The following NXPH1 variants were observed in gnomAD, a reference collection of about 807,000 sequenced individuals.
The protein encoded by NXPH1 is neurexophilin 1, also known as neurexophilin-1.
A neutral mutation model predicts 23.7 loss-of-function variants in NXPH1; 5 were observed. The ratio of observed to expected loss-of-function variants is 0.21; its 90% CI spans 0.11 to 0.44. The LOEUF (loss-of-function observed/expected upper bound fraction) is 0.44, where lower values mean the gene tolerates loss of function less well. Ranked by LOEUF, NXPH1 falls within the 20% of genes least tolerant of loss-of-function variation. The probability of loss-of-function intolerance (pLI) is 0.99; values close to 1 mark genes in which losing one functional copy is unlikely to be tolerated. For missense variants in NXPH1, 324 were observed against 321.6 expected (o/e 1.01, Z -0.06); for synonymous variants, 144 against 122.2 (o/e 1.18, Z -1.18).
intron 2 of NXPH1, among the ~76,000 whole-genome samples, chr7:8,689,551 G>A (rs1474123067): frequency 6.6e-6 from 1 of 152,148 alleles, no homozygotes; most frequent in South Asian, 2.1e-4. Context: ...ATAGTGTTAG[G>A]GTGTAGGAGA....
chr7:8,717,811 A>G (rs1779901128), intron 2 of NXPH1, among the ~76,000 whole-genome samples: 1 of 152,010 alleles, frequency 6.6e-6, no homozygotes. Context: ...TGCATTTGAG[A>G]ATAAAGGATT....
chr7:8,532,328 A>G (rs1817959962), intron 2 of NXPH1, among the ~76,000 whole-genome samples: 1 of 152,094 alleles, frequency 6.6e-6, no homozygotes, highest in South Asian at 2.1e-4. Context: ...TAAGATAAAA[A>G]TCAATCCCGC....
chr7:8,661,107 A>G (rs372674269), intron 2 of NXPH1, among the ~76,000 whole-genome samples: 41 of 152,336 alleles, frequency 2.7e-4, no homozygotes, highest in African/African-American at 9.4e-4. Context: ...CTGAATAATA[A>G]GTAGTCAAAG....
In NXPH1 at chr7:8,591,067, G is replaced by A. The variant is rs115968611; in HGVS notation, c.54+155300G>A. ...AGGGAATAGCTTAGTTTAGAACAGC[G>A]TAAGAAAAGCAGAGAGGAGAAAACA... On this transcript the variant is annotated intron_variant, in intron 2 of 2. Coordinates refer to ENST00000405863, the MANE Select transcript of NXPH1 (RefSeq NM_152745.3). 4.7e-3 allele frequency among the ~76,000 whole-genome samples: 711 copies of A among 152,150 alleles called. 5 individuals carry two copies. The highest frequency in any genetic ancestry group is 0.016 in the African/African-American group (651 of 41,530).
rs555112912 is a variant in NXPH1, at chr7:8,530,272, C to A, written c.54+94505C>A. On this transcript the variant is annotated intron_variant, in intron 2 of 2. Coordinates refer to ENST00000405863, the MANE Select transcript of NXPH1 (RefSeq NM_152745.3). ...GTGTGCTATTAACCTGTAGCAAATG[C>A]CTCAAATATTAATTTTAGAGATCTT... Among the ~76,000 whole-genome samples, 3 of 152,206 alleles carry A rather than the reference C, an allele frequency of 2.0e-5. No individual in the cohort carries two copies. The South Asian group carries it at 6.2e-4, about 32-fold the overall frequency.
At chr7:8,615,453 A>T (rs554532887) in intron 2 of NXPH1, among the ~76,000 whole-genome samples, 4 of 152,066 alleles carry the variant, frequency 2.6e-5, no homozygotes, top group Non-Finnish European at 5.9e-5. Context: ...AGCTTTCAAT[A>T]GATGTTAGGT....
At chr7:8,533,926 C>G (rs189460379) in intron 2 of NXPH1, among the ~76,000 whole-genome samples, 1 of 150,628 alleles carries the variant, frequency 6.6e-6, no homozygotes, top group Non-Finnish European at 1.5e-5. Context: ...AGTTCACTGA[C>G]GTTGAAAATT....
chr7:8,605,697 A>T (rs1819471885), intron 2 of NXPH1, among the ~76,000 whole-genome samples: 1 of 152,138 alleles, frequency 6.6e-6, no homozygotes. Flanking sequence ...GTTGCAATGG[A>T]TACCGAAAAT....
At chr7:8,701,860 G>A (rs765251064) in intron 2 of NXPH1, among the ~76,000 whole-genome samples, 2 of 151,912 alleles carry the variant, frequency 1.3e-5, no homozygotes, top group African/African-American at 2.4e-5. Flanking sequence ...ATTCTATATG[G>A]TCTGGAATGA....
intron 2 of NXPH1, among the ~76,000 whole-genome samples, chr7:8,670,738 T>C (rs909969092): frequency 1.3e-5 from 2 of 152,202 alleles, no homozygotes; most frequent in Non-Finnish European, 2.9e-5. Flanking sequence ...TTTGAAAAAG[T>C]TTTTGATACT....
chr7:8,695,279 G>T (rs369862814), intron 2 of NXPH1, among the ~76,000 whole-genome samples: 88 of 152,216 alleles, frequency 5.8e-4, no homozygotes, highest in African/African-American at 2.1e-3. Flanking sequence ...TAAGAGTTAG[G>T]GTTATCTTCA....
intron 2 of NXPH1, among the ~76,000 whole-genome samples, chr7:8,675,735 G>C (rs970973015): frequency 3.3e-5 from 5 of 152,142 alleles, no homozygotes; most frequent in African/African-American, 1.2e-4. Flanking sequence ...GGTAAACGTG[G>C]ATGAGAATAA....
chr7:8,731,376 G>T (rs115011037), intron 2 of NXPH1, among the ~76,000 whole-genome samples: 1,646 of 152,294 alleles, frequency 0.011, 28 homozygotes, highest in African/African-American at 0.038. Context: ...TTGTTCCCTT[G>T]CTGGGGAGGA....
intron 2 of NXPH1, among the ~76,000 whole-genome samples, chr7:8,620,571 A>G (rs115170682): frequency 4.5e-4 from 68 of 152,322 alleles, no homozygotes; most frequent in African/African-American, 1.5e-3. Context: ...TGCTGCCACC[A>G]GCCTGACTCC....
intron 2 of NXPH1, among the ~76,000 whole-genome samples, chr7:8,643,159 G>T (rs989201048): frequency 9.2e-6 from 1 of 109,124 alleles, no homozygotes; most frequent in South Asian, 3.6e-4. Flanking sequence ...CACCATGCCC[G>T]GCCAGGCATA....
rs1396255090 is a variant in NXPH1 at position 8,710,640 on chromosome 7, GTTTTTTGTTTTTTT to G, written c.55-40361_55-40348del. Among the ~76,000 whole-genome samples, 7 of 27,680 alleles carry G rather than the reference GTTTTTTGTTTTTTT, an allele frequency of 2.5e-4. 1 individual carries two copies. Among genetic ancestry groups the G allele is most frequent in the South Asian group, 1.9e-3 (1 of 526 alleles). The allele number at this position is 27,680 out of a possible 152,430, so 18.2% of individuals were successfully genotyped here. ...TTGAACAAAGCATGTCAACTGTTAC[GTTTTTTGTTTTTTT>G]TTTTTTTTTTTTTTTTTTTGAGACG... On this transcript the variant is annotated intron_variant, in intron 2 of 2. Coordinates refer to ENST00000405863, the MANE Select transcript of NXPH1 (RefSeq NM_152745.3).
chr7:8,715,957 G>A (rs1583243517), intron 2 of NXPH1, among the ~76,000 whole-genome samples: 1 of 152,040 alleles, frequency 6.6e-6, no homozygotes, highest in South Asian at 2.1e-4. Context: ...AAATGTATTA[G>A]CAGTTGTCAA....
Position 8,466,948 on chromosome 7 carries a change from T to C in NXPH1, c.54+31181T>C, listed in dbSNP as rs537753172. Among the ~76,000 whole-genome samples the C allele has an allele frequency of 5.3e-5, 8 of 152,224 alleles. No individual in the cohort carries two copies. The South Asian group carries it at 1.7e-3, about 32-fold the overall frequency. On this transcript the variant is annotated intron_variant, in intron 2 of 2. Coordinates refer to ENST00000405863, the MANE Select transcript of NXPH1 (RefSeq NM_152745.3). ...AACTATGTGACCTGGGACCATTTCC[T>C]TAATTTTTCCAAACCATAGTAGTTT...
chr7:8,506,872 C>A (rs1817531961), intron 2 of NXPH1, among the ~76,000 whole-genome samples: 2 of 151,984 alleles, frequency 1.3e-5, no homozygotes, highest in African/African-American at 4.8e-5. Context: ...GTGCTGGGGG[C>A]AGGCACCAGA....
Sources: allele counts gnomAD v4.1 joint callset (sites outside exome capture counted in the v4.1 genomes callset), GRCh38; gene constraint gnomAD v4.1.1; transcripts MANE v1.5; gene names NCBI Gene and HGNC (gene_info 2026-07-23, HGNC 2026-07-21).